Variants in CNTLN observed in about 807,000 individuals in gnomAD.
The protein encoded by CNTLN is centlein, centrosomal protein.
In CNTLN, 212 loss-of-function variants were observed where a neutral mutation model predicts 180.0. The observed-to-expected ratio is 1.18, with a 90% CI of 1.05 to 1.32. The LOEUF is 1.32. Among genes scored for constraint, CNTLN ranks in the 40% most tolerant of loss-of-function variants. CNTLN has a pLI of 0.00. For missense variants in CNTLN, 2,095 were observed against 1,610.9 expected, an observed-to-expected ratio of 1.30 and a Z score of -5.14; for synonymous variants, 722 against 563.1, an observed-to-expected ratio of 1.28 and a Z score of -3.99.
chr9:17,357,799 T>C (rs1395101389), intron 12 of CNTLN, among the ~76,000 whole-genome samples: 2 of 151,522 alleles, frequency 1.3e-5, no homozygotes, highest in African/African-American at 4.8e-5. Flanking sequence ...ACCTTAACAA[T>C]GTTGGGTTTG....
chr9:17,427,560 T>G (rs1829169801), intron 18 of CNTLN, among the ~76,000 whole-genome samples: 2 of 152,172 alleles, frequency 1.3e-5, no homozygotes, highest in Non-Finnish European at 2.9e-5. Flanking sequence ...TTTTCTAAAT[T>G]ATTTACTAGA....
At chr9:17,248,693 T>C (rs1282100907) in intron 5 of CNTLN, among the ~76,000 whole-genome samples, 1 of 150,872 alleles carries the variant, frequency 6.6e-6, no homozygotes, top group African/African-American at 2.4e-5. Flanking sequence ...AATAATAAAA[T>C]GGCAGCTTCC....
the CNTLN span, among the ~76,000 whole-genome samples, chr9:17,521,872 A>T: frequency 6.6e-6 from 1 of 152,198 alleles, no homozygotes; most frequent in Non-Finnish European, 1.5e-5. Flanking sequence ...AAAATTGCAA[A>T]TGCTGATTTA....
intron 18 of CNTLN, among the ~76,000 whole-genome samples, chr9:17,432,701 C>G (rs751411391): frequency 6.6e-6 from 1 of 152,010 alleles, no homozygotes; most frequent in Non-Finnish European, 1.5e-5. Context: ...AGTATAAATT[C>G]TATTCTCTGT....
intron 22 of CNTLN, 150 bp downstream of exon 22, chr9:17,466,268 C>T (rs905584416): frequency 4.2e-5 from 26 of 612,218 alleles, no homozygotes; most frequent in African/African-American, 2.9e-4. Context: ...CTACATGAAA[C>T]GCCAAACATT....
chr9:17,315,210 A>G (rs183062512), intron 8 of CNTLN, among the ~76,000 whole-genome samples: 2 of 152,088 alleles, frequency 1.3e-5, no homozygotes, highest in Admixed American at 6.5e-5. Context: ...TTTTTTGGAT[A>G]ATGTCTTTCT....
At chr9:17,340,236 T>C (rs1319915352) in intron 10 of CNTLN, among the ~76,000 whole-genome samples, 3 of 152,200 alleles carry the variant, frequency 2.0e-5, no homozygotes, top group African/African-American at 7.2e-5. Context: ...GATGGCTTGT[T>C]TTATAACCTC....
intron 2 of CNTLN, among the ~76,000 whole-genome samples, chr9:17,211,303 TA>T (rs1333298760): frequency 6.6e-6 from 1 of 152,240 alleles, no homozygotes; most frequent in Non-Finnish European, 1.5e-5. Context: ...CACCATTTAT[TA>T]AATAGGGAAT....
chr9:17,265,572 T>A (rs1307770771), intron 5 of CNTLN, among the ~76,000 whole-genome samples: 1 of 152,028 alleles, frequency 6.6e-6, no homozygotes, highest in African/African-American at 2.4e-5. Flanking sequence ...GAGGGAGGAT[T>A]CCCTCTTTTT....
chr9:17,184,171 A>G (rs1044923923), intron 2 of CNTLN, among the ~76,000 whole-genome samples: 2 of 152,178 alleles, frequency 1.3e-5, no homozygotes, highest in Non-Finnish European at 2.9e-5. Flanking sequence ...GCTTTAAAGT[A>G]TTTGGTGATT....
intron 18 of CNTLN, among the ~76,000 whole-genome samples, chr9:17,418,795 T>A: frequency 6.6e-6 from 1 of 152,044 alleles, no homozygotes. Context: ...TTTCAATATT[T>A]GGGCAGCCTC....
chr9:17,282,916 C>A (rs1198744882), intron 6 of CNTLN, among the ~76,000 whole-genome samples: 3 of 152,100 alleles, frequency 2.0e-5, no homozygotes, highest in Non-Finnish European at 4.4e-5. Flanking sequence ...GGTCTTATTT[C>A]TGAGATCTCT....
chr9:17,369,841 G>T (rs1365827938), intron 13 of CNTLN, among the ~76,000 whole-genome samples: 1 of 151,866 alleles, frequency 6.6e-6, no homozygotes, highest in African/African-American at 2.4e-5. Context: ...ACAAACATTA[G>T]CCAGGCATGG....
intron 4 of CNTLN, 41 bp from the exon 5 acceptor site, chr9:17,236,368 G>T (rs746108307): frequency 3.8e-5 from 57 of 1,497,054 alleles, no homozygotes; most frequent in Non-Finnish European, 5.1e-5. Context: ...TTTTTGTTTC[G>T]TTTTGTTTTA....
chr9:17,328,511 A>G (rs1423774994), intron 8 of CNTLN, among the ~76,000 whole-genome samples: 2 of 152,164 alleles, frequency 1.3e-5, no homozygotes, highest in Non-Finnish European at 2.9e-5. Flanking sequence ...GAGTGTTGAC[A>G]CTTCATTTTG....
At chr9:17,506,931 G>C (rs531871922), downstream of CNTLN, among the ~76,000 whole-genome samples, 7 of 151,972 alleles carry the variant, frequency 4.6e-5, no homozygotes, top group East Asian at 1.4e-3. Context: ...ATTAAATCAG[G>C]GTAATTATAT....
At chr9:17,196,464 T>C (rs1822139018) in intron 2 of CNTLN, among the ~76,000 whole-genome samples, 1 of 152,134 alleles carries the variant, frequency 6.6e-6, no homozygotes, top group African/African-American at 2.4e-5. Flanking sequence ...AAAGCTTCTC[T>C]AGTAGTAGGT....
Position 17,374,397 on chromosome 9 carries a change from T to C in CNTLN, c.1987+7680T>C, listed in dbSNP as rs1824580563. 2.0e-5 allele frequency among the ~76,000 whole-genome samples: 3 copies of C among 152,150 alleles called. No individual in the cohort carries two copies. The South Asian group carries it at 6.2e-4, about 32-fold the overall frequency. On this transcript the variant is annotated intron_variant, in intron 13 of 25. Coordinates refer to ENST00000380647, the MANE Select transcript of CNTLN (RefSeq NM_017738.4). ...ATTATTGATCATCAGAGAATACAAA[T>C]CAAAACTAAAATGAAATATCATCTC...
chr9:17,313,402 G>C (rs73420267), intron 8 of CNTLN, among the ~76,000 whole-genome samples: 3 of 148,750 alleles, frequency 2.0e-5, no homozygotes, highest in African/African-American at 7.4e-5. Context: ...CCTTCCTTTT[G>C]GATTAATTAA....
Sources: allele counts gnomAD v4.1 joint callset (sites outside exome capture counted in the v4.1 genomes callset), GRCh38; gene constraint gnomAD v4.1.1; transcripts MANE v1.5; gene names NCBI Gene and HGNC (gene_info 2026-07-23, HGNC 2026-07-21).